Variants in NUP58 observed in about 807,000 individuals in gnomAD.
NUP58 encodes the protein nucleoporin p58/p45.
A neutral mutation model predicts 70.1 loss-of-function variants in NUP58; 17 were observed. The observed-to-expected ratio is 0.24, with a 90% CI of 0.17 to 0.36. NUP58 has a LOEUF of 0.36. Ranked by LOEUF, NUP58 falls within the 10% of genes least tolerant of loss-of-function variation. NUP58 has a pLI of 1.00. For synonymous variants in NUP58, 275 were observed against 257.6 expected (o/e 1.07, Z -0.65); for missense variants, 644 against 701.5 (o/e 0.92, Z 0.93).
At chr13:25,345,708 A>T (rs2137854851), downstream of NUP58, among the ~76,000 whole-genome samples, 1 of 152,232 alleles carries the variant, frequency 6.6e-6, no homozygotes, top group South Asian at 2.1e-4. Flanking sequence ...GACCCCTGTG[A>T]CTCAAAAGAG....
chr13:25,343,805 G>GTATATATATATATA (rs59054918), downstream of NUP58, among the ~76,000 whole-genome samples: 102 of 137,638 alleles, frequency 7.4e-4, 1 homozygote, highest in East Asian at 0.011. Context: ...ACATATATAT[G>GTATATATATATATA]TATATATATA....
intron 13 of NUP58, chr13:25,334,645 A>T (rs1216503960): frequency 1.0e-6 from 1 of 981,320 alleles, no homozygotes; most frequent in Non-Finnish European, 1.2e-6. Flanking sequence ...TGTGACTTAG[A>T]AATAACCATA....
intron 13 of NUP58, chr13:25,334,571 G>A (rs1342992943): frequency 6.1e-6 from 6 of 984,844 alleles, no homozygotes; most frequent in Non-Finnish European, 6.0e-6. Context: ...AAATCAGTAA[G>A]AGTAAAATTT....
chr13:25,347,500 T>A (rs1399328444), intron 3 of NUP58, among the ~76,000 whole-genome samples: 2 of 152,192 alleles, frequency 1.3e-5, no homozygotes, highest in Non-Finnish European at 2.9e-5. Context: ...TCGGCTTGCC[T>A]CCTGAGCAGG....
rs1566055057 is a variant in NUP58 at position 25,305,146 on chromosome 13, T to TTTTTTG, written c.108-2655_108-2654insGTTTTT. On this transcript the variant is annotated intron_variant, in intron 1 of 15. Transcript: ENST00000381736. ...ATCTGTGGGGTTTTTTTTTTTTTTT[T>TTTTTTG]TTTTTTTTTTTTTTTGAGACAGGGC... Among the ~76,000 whole-genome samples, 258 of 41,754 alleles carry TTTTTTG rather than the reference T, an allele frequency of 6.2e-3. 1 individual carries two copies. Among genetic ancestry groups the TTTTTTG allele is most frequent in the African/African-American group, 0.013 (241 of 18,156 alleles). The allele number at this position is 41,754 out of a possible 152,430, so 27.4% of individuals were successfully genotyped here.
chr13:25,335,070 G>A, intron 13 of NUP58: 1 of 984,914 alleles, frequency 1.0e-6, no homozygotes, highest in Non-Finnish European at 1.2e-6. Context: ...TGGCATGGGA[G>A]ATATTTATCA....
At chr13:25,331,222 A>G (rs954542256) in intron 12 of NUP58, 135 bp from the exon 13 acceptor site, 2 of 764,674 alleles carry the variant, frequency 2.6e-6, no homozygotes, top group Admixed American at 4.7e-5. Context: ...GTGCATTATT[A>G]GCACTCTAAT....
chr13:25,339,768 C>T (rs534125896), intron 15 of NUP58, among the ~76,000 whole-genome samples, 197 bp from the exon 16 acceptor site: 1 of 152,294 alleles, frequency 6.6e-6, no homozygotes, highest in Non-Finnish European at 1.5e-5. Flanking sequence ...ACTACACTCT[C>T]TTTCAGGGTG....
At chr13:25,308,841 G>T (rs554097683) in intron 2 of NUP58, among the ~76,000 whole-genome samples, 8 of 151,856 alleles carry the variant, frequency 5.3e-5, no homozygotes, top group Non-Finnish European at 7.4e-5. Context: ...TACTTTTTGC[G>T]TTGATCTTCC....
chr13:25,323,520 G>A (rs956423751), intron 9 of NUP58, among the ~76,000 whole-genome samples: 4 of 152,042 alleles, frequency 2.6e-5, no homozygotes, highest in Non-Finnish European at 5.9e-5. Context: ...TCTACTAAGA[G>A]TCTAGTGAAT....
At chr13:25,311,757 A>G (rs1234054709) in intron 3 of NUP58, among the ~76,000 whole-genome samples, 2 of 151,782 alleles carry the variant, frequency 1.3e-5, no homozygotes, top group Non-Finnish European at 2.9e-5. Flanking sequence ...CCAGAGAAAT[A>G]AATGCTGTTG....
intron 9 of NUP58, 127 bp from the exon 10 acceptor site, chr13:25,324,862 T>C (rs1030357683): frequency 2.5e-5 from 17 of 674,402 alleles, no homozygotes; most frequent in East Asian, 1.9e-4. Flanking sequence ...TATGTTCTTA[T>C]AGCATGAACC....
intron 13 of NUP58, chr13:25,336,365 A>G: frequency 1.1e-6 from 1 of 884,224 alleles, no homozygotes. Flanking sequence ...TTTTTTATCT[A>G]CTTATTGTAT....
In NUP58 at chr13:25,307,745, GC is replaced by G. The variant is rs1324724668; in HGVS notation, c.108-60del. The G allele has an allele frequency of 1.9e-5, 29 of 1,510,424 alleles. No homozygotes were observed. In the East Asian group the frequency reaches 5.9e-4, roughly 31 times the overall value. The allele number at this position is 1,510,424 out of a possible 1,614,324, so 93.6% of individuals were successfully genotyped here. The stretch of plus-strand genomic sequence containing the variant: ...TTTTATTTTTCTTAAGTAAATATTG[GC>G]TCTAGTAGACCTCCTTTTGTGCATG... On this transcript the variant is annotated intron_variant, in intron 1 of 15. Coordinates refer to ENST00000381736, the MANE Select transcript of NUP58 (RefSeq NM_014089.4).
chr13:25,342,687 C>T (rs1013891247), downstream of NUP58, among the ~76,000 whole-genome samples: 1 of 152,092 alleles, frequency 6.6e-6, no homozygotes, highest in African/African-American at 2.4e-5. Flanking sequence ...CCTTCCATTT[C>T]CTAGTGTGCA....
rs2030450230 is a variant in NUP58 at position 25,307,864 on chromosome 13, A to G, written c.166A>G (p.Thr56Ala). Residue 56 changes from threonine to alanine, a missense_variant, in exon 2 of 16, where the codon ACA becomes GCA. Thr to Ala is a moderately conservative substitution (Grantham distance 58). Coordinates refer to ENST00000381736, the MANE Select transcript of NUP58 (RefSeq NM_014089.4). ...NLGSTSTPAT[T>A]SAPSSGFGTG... Reference sequence around the variant, plus strand: ...TGGAAGTACTTCAACTCCAGCAACTACATCTGCTCCTTCAAGTGGTTTTGG... The same window carrying G: ...TGGAAGTACTTCAACTCCAGCAACTGCATCTGCTCCTTCAAGTGGTTTTGG... 1.2e-6 allele frequency: 2 copies of G among 1,614,168 alleles called. No homozygotes were observed. Among genetic ancestry groups the G allele is most frequent in the South Asian group, 1.1e-5 (1 of 91,086 alleles).
At chr13:25,321,152 G>T in intron 9 of NUP58, 59 bp downstream of exon 9, 1 of 1,405,320 alleles carries the variant, frequency 7.1e-7, no homozygotes, top group Non-Finnish European at 9.7e-7. Flanking sequence ...TTTCCAAAAT[G>T]GAAATAAGGT....
chr13:25,315,573 G>A (rs2030889448), intron 6 of NUP58, 106 bp downstream of exon 6: 1 of 731,232 alleles, frequency 1.4e-6, no homozygotes, highest in African/African-American at 1.8e-5. Context: ...ATATTTAGTA[G>A]TAACAGTTAG....
Position 25,342,211 on chromosome 13 carries a change from A to G in NUP58, c.*2077A>G, listed in dbSNP as rs1430576250. On this transcript the variant is annotated 3_prime_UTR_variant, in exon 16 of 16. Coordinates refer to ENST00000381736, the MANE Select transcript of NUP58 (RefSeq NM_014089.4). ...AATTACAACAAACTTTTTTTAAAAG[A>G]CATTTCATTGTACTGCAAAAATCTG... is the stretch of plus-strand genomic sequence containing the variant. 1 of 152,642 alleles carries G rather than the reference A, an allele frequency of 6.6e-6. No individual in the cohort carries two copies. Among genetic ancestry groups the G allele is most frequent in the East Asian group, 1.9e-4 (1 of 5,204 alleles). 9.5% of individuals were successfully genotyped at this position (152,642 alleles called of 1,614,324 possible). A position where few individuals can be genotyped will look rare whatever the true frequency, so the allele number is the denominator to read the frequency against.
Sources: gnomAD v4.1 joint callset for allele counts (sites outside exome capture counted in the v4.1 genomes callset) on GRCh38, gnomAD v4.1.1 for gene constraint, MANE v1.5 for transcripts, NCBI Gene and HGNC (gene_info 2026-07-23, HGNC 2026-07-21) for gene names.